CDCP1: variants seen among roughly 807,000 people sequenced by gnomAD.
CDCP1 encodes CUB domain-containing protein 1.
A neutral mutation model predicts 60.2 loss-of-function variants in CDCP1; 29 were observed. The observed-to-expected ratio is 0.48, with a 90% CI of 0.36 to 0.66. The LOEUF (loss-of-function observed/expected upper bound fraction) is 0.66. Among genes scored for constraint, CDCP1 ranks in the 30% least tolerant of loss-of-function variants. The probability of loss-of-function intolerance (pLI) is 0.00; values close to 1 mark genes in which losing one functional copy is unlikely to be tolerated. For missense variants in CDCP1, 876 were observed against 1,074.3 expected (o/e 0.82, Z 2.58); for synonymous variants, 387 against 431.1 (o/e 0.90, Z 1.27).
intron 4 of CDCP1, among the ~76,000 whole-genome samples, chr3:45,103,942 G>C (rs1441166560): frequency 6.6e-6 from 1 of 152,200 alleles, no homozygotes; most frequent in Non-Finnish European, 1.5e-5. Context: ...ATGAGAGTAG[G>C]TGTAAGTTTA....
At chr3:45,110,878 A>G (rs1465398510) in intron 3 of CDCP1, 37 bp from the exon 4 acceptor site, 2 of 1,585,268 alleles carry the variant, frequency 1.3e-6, no homozygotes, top group Non-Finnish European at 1.7e-6. Flanking sequence ...AAGAATAGGG[A>G]GCCATTAGAC....
At chr3:45,096,903 C>G (rs1698408873) in intron 4 of CDCP1, among the ~76,000 whole-genome samples, 1 of 152,016 alleles carries the variant, frequency 6.6e-6, no homozygotes, top group Non-Finnish European at 1.5e-5. Context: ...TTTAGCTTTG[C>G]CTATAATATT....
At chr3:45,142,718 C>T (rs1699312292) in intron 1 of CDCP1, among the ~76,000 whole-genome samples, 1 of 152,184 alleles carries the variant, frequency 6.6e-6, no homozygotes, top group Non-Finnish European at 1.5e-5. Flanking sequence ...AAGAGCCTCT[C>T]TACTCTTCAT....
In CDCP1 at chr3:45,085,506, C is replaced by T. The variant is rs1447829916; in HGVS notation, c.*132G>A. On this transcript the variant is annotated 3_prime_UTR_variant, in exon 9 of 9. Coordinates refer to ENST00000296129, the MANE Select transcript of CDCP1 (RefSeq NM_022842.5). The surrounding 1 kb of genome is among the most constrained non-coding windows in gnomAD (Gnocchi z 4.2). ...AGTCCACTGAGCAATGTGAAGTTGGCGGTGTCCAGGAAAACCTCCTGCTGT... is the reference window on the plus strand; with the variant it reads ...AGTCCACTGAGCAATGTGAAGTTGGTGGTGTCCAGGAAAACCTCCTGCTGT... 1.6e-5 allele frequency: 14 copies of T among 867,122 alleles called. No individual in the cohort carries two copies. Among genetic ancestry groups the T allele is most frequent in the Non-Finnish European group, 2.4e-5 (13 of 548,532 alleles). The allele number at this position is 867,122 out of a possible 1,614,324, so 53.7% of individuals were successfully genotyped here.
chr3:45,088,919 C>T (rs1698244820), intron 8 of CDCP1, 135 bp downstream of exon 8: 8 of 740,184 alleles, frequency 1.1e-5, no homozygotes, highest in Non-Finnish European at 1.9e-5. Context: ...TCACACCTGG[C>T]AATATTGTTT....
intron 1 of CDCP1, among the ~76,000 whole-genome samples, chr3:45,121,721 G>T (rs1698889414): frequency 6.6e-6 from 1 of 152,144 alleles, no homozygotes; most frequent in South Asian, 2.1e-4. Flanking sequence ...GACCGTGCAG[G>T]GTGAGGGGAC....
At position 45,118,392 on chromosome 3, in the gene CDCP1, G is replaced by T. The variant is rs1194190518; in HGVS notation, c.292+20C>A. 6.4e-7 allele frequency: 1 copy of T among 1,564,102 alleles called. No individual in the cohort carries two copies. The highest frequency in any genetic ancestry group is 1.1e-5 in the South Asian group (1 of 89,974). ...GACATTTAAAAGACATTGTCAAACA[G>T]CTCACAAGTGTCTACTTACCAATAT... On this transcript the variant is annotated intron_variant, in intron 2 of 8. Transcript: ENST00000296129.
At chr3:45,104,017 C>T (rs971442676) in intron 4 of CDCP1, among the ~76,000 whole-genome samples, 1 of 152,258 alleles carries the variant, frequency 6.6e-6, no homozygotes, top group Non-Finnish European at 1.5e-5. Flanking sequence ...CCCAGGAGCA[C>T]TCCATAAGAG....
chr3:45,110,734 C>A lies in CDCP1; in HGVS notation c.763G>T (p.Val255Phe). 1 of 1,614,182 alleles carries A rather than the reference C, an allele frequency of 6.2e-7. No homozygotes were observed. Among genetic ancestry groups the A allele is most frequent in the Non-Finnish European group, 8.5e-7 (1 of 1,180,046 alleles). ...PEDELMTWQF[V>F]VPAHLRASVS... ...CTGGCCCGCAGGTGTGCAGGAACGACAAACTGCCACGTCATGAGCTCATCC... is the reference window on the plus strand; with the variant it reads ...CTGGCCCGCAGGTGTGCAGGAACGAAAAACTGCCACGTCATGAGCTCATCC... The change falls in exon 4 of 9, where the codon GTC becomes TTC. Residue 255 changes from valine (V) to phenylalanine (F), a missense_variant. By Grantham distance (50) the Val-to-Phe change is conservative. Around this residue, in one of 2 missense-constraint regions of CDCP1, gnomAD observed 726 missense variants for 935.7 expected, o/e 0.78. Coordinates refer to ENST00000296129, the MANE Select transcript of CDCP1 (RefSeq NM_022842.5).
At chr3:45,086,346 G>A (rs1460842527) in intron 8 of CDCP1, among the ~76,000 whole-genome samples, 1 of 152,172 alleles carries the variant, frequency 6.6e-6, no homozygotes, top group Admixed American at 6.5e-5. Flanking sequence ...TGCTCAATTC[G>A]TTTTTGATAG....
At chr3:45,093,176 C>G in intron 6 of CDCP1, 101 bp downstream of exon 6, 5 of 1,354,148 alleles carry the variant, frequency 3.7e-6, no homozygotes, top group Non-Finnish European at 3.0e-6. Context: ...TTGAGCTATC[C>G]CTTCTTTCCA....
At chr3:45,126,122 CTTTCTTTCTTTCTTTCTTTCTTTCTTTCT>C (rs1698982970) in intron 1 of CDCP1, among the ~76,000 whole-genome samples, 282 of 135,340 alleles carry the variant, frequency 2.1e-3, no homozygotes, top group African/African-American at 7.4e-3. Context: ...TTCTTTCTTT[CTTTCTTTCTTTCTTTCTTTCTTTCTTTCT>C]TTCTTTCTTT....
chr3:45,109,811 T>C (rs142436020), intron 4 of CDCP1, among the ~76,000 whole-genome samples: 3 of 152,196 alleles, frequency 2.0e-5, no homozygotes, highest in African/African-American at 7.2e-5. Flanking sequence ...CTTTTCTATG[T>C]TCATGGCATC....
In CDCP1 at chr3:45,093,398, G is replaced by C; in HGVS notation, c.1506C>G (p.Gly502=). The change falls in exon 6 of 9, where the codon GGC becomes GGG. Residue 502 remains glycine (G), a synonymous_variant. Coordinates refer to ENST00000296129, the MANE Select transcript of CDCP1 (RefSeq NM_022842.5). The part of the protein sequence containing the change: ...DLYFGSFCPG[G]SIKQIQVKQN... ...GCTTCACCTGGATCTGCTTGATAGA[G>C]CCTCCCGGGCAGAAGGAGCCGAAGT... 1 of 1,614,208 alleles carries C rather than the reference G, an allele frequency of 6.2e-7. No individual in the cohort carries two copies. The highest frequency in any genetic ancestry group is 8.5e-7 in the Non-Finnish European group (1 of 1,180,040).
chr3:45,116,120 T>G (rs1169737427), intron 2 of CDCP1, among the ~76,000 whole-genome samples: 1 of 152,124 alleles, frequency 6.6e-6, no homozygotes, highest in Non-Finnish European at 1.5e-5. Flanking sequence ...TTAAATATGG[T>G]ATTTGCTATC....
rs751537628 is a variant in CDCP1 at position 45,110,458 on chromosome 3, G to A, written c.1024+15C>T. 1.2e-6 allele frequency: 2 copies of A among 1,612,102 alleles called. No individual in the cohort carries two copies. The highest frequency in any genetic ancestry group is 1.7e-6 in the Non-Finnish European group (2 of 1,178,390). ...TGCTGGAGGAGGAAGAAAAAGGAAA[G>A]TGGGGCTCACTCACTGCTTTCATTT... On this transcript the variant is annotated intron_variant, in intron 4 of 8. Transcript: ENST00000296129.
intron 1 of CDCP1, among the ~76,000 whole-genome samples, chr3:45,132,431 C>T (rs1008352064): frequency 3.9e-5 from 6 of 152,170 alleles, no homozygotes; most frequent in African/African-American, 1.2e-4. Flanking sequence ...TAGGGAAACA[C>T]TTCACTACCA....
chr3:45,100,090 G>A (rs901565511), intron 4 of CDCP1, among the ~76,000 whole-genome samples: 2 of 152,188 alleles, frequency 1.3e-5, no homozygotes, highest in African/African-American at 4.8e-5. Context: ...GGGCTTCTCA[G>A]TAGGGTGATA....
At chr3:45,110,447 G>GA in intron 4 of CDCP1, 26 bp downstream of exon 4, 1 of 1,609,780 alleles carries the variant, frequency 6.2e-7, no homozygotes, top group East Asian at 2.2e-5. Flanking sequence ...GGAGGAGGAA[G>GA]AAAAAGGAAA....
Sources: gnomAD v4.1 joint callset for allele counts (sites outside exome capture counted in the v4.1 genomes callset) on GRCh38, gnomAD v4.1.1 for gene constraint, gnomAD v4.1.1 regional missense constraint, Gnocchi (gnomAD v3.1) non-coding constraint, MANE v1.5 for transcripts, NCBI Gene and HGNC (gene_info 2026-07-23, HGNC 2026-07-21) for gene names.